Variants in IGFL2 observed in about 807,000 individuals in gnomAD.
The protein encoded by IGFL2 is insulin growth factor-like family member 2.
A neutral mutation model predicts 13.9 loss-of-function variants in IGFL2; 7 were observed. That is an observed-to-expected ratio of 0.51 (90% CI 0.29 to 0.95). The LOEUF (loss-of-function observed/expected upper bound fraction) is 0.95. Among genes scored for constraint, IGFL2 ranks in the 40% least tolerant of loss-of-function variants. IGFL2 has a pLI of 0.08. For synonymous variants in IGFL2, 55 were observed against 55.8 expected, an observed-to-expected ratio of 0.99 and a Z score of 0.07; for missense variants, 138 against 147.8, an observed-to-expected ratio of 0.93 and a Z score of 0.34.
chr19:46,105,880 T>C, the IGFL2 span, among the ~76,000 whole-genome samples: 1 of 152,150 alleles, frequency 6.6e-6, no homozygotes, highest in Non-Finnish European at 1.5e-5. Context: ...TGCACAGCCC[T>C]GTACTTCAGC....
chr19:46,093,625 T>C, the IGFL2 span, among the ~76,000 whole-genome samples: 1 of 152,164 alleles, frequency 6.6e-6, no homozygotes, highest in Non-Finnish European at 1.5e-5. Flanking sequence ...TTATTGCCGA[T>C]GTAGAAAATC....
chr19:46,146,067 TCTC>T (rs569156280), upstream of IGFL2, among the ~76,000 whole-genome samples: 126 of 152,288 alleles, frequency 8.3e-4, 1 homozygote, highest in Middle Eastern at 0.017. Context: ...TCTGATGCCT[TCTC>T]CTTGAAATAC....
the IGFL2 span, chr19:46,124,680 AAG>A: frequency 1.2e-6 from 2 of 1,601,084 alleles, no homozygotes; most frequent in Non-Finnish European, 1.7e-6. Context: ...AGAATTGAAG[AAG>A]AGTGGTAAAA....
At chr19:46,092,336 A>G in the IGFL2 span, among the ~76,000 whole-genome samples, 2 of 146,754 alleles carry the variant, frequency 1.4e-5, no homozygotes, top group Admixed American at 6.8e-5. Context: ...ATTAAAAAAA[A>G]TTTTTTTTTT....
the IGFL2 span, among the ~76,000 whole-genome samples, chr19:46,210,539 G>A: frequency 1.3e-5 from 2 of 152,182 alleles, no homozygotes; most frequent in Non-Finnish European, 2.9e-5. Flanking sequence ...AAGCTGAGGA[G>A]CAAGGAAGCC....
chr19:46,146,216 C>T (rs966740531), upstream of IGFL2, among the ~76,000 whole-genome samples: 2 of 151,722 alleles, frequency 1.3e-5, no homozygotes, highest in African/African-American at 4.8e-5. Flanking sequence ...CTATCTTTTC[C>T]CCCATTGAAT....
At chr19:46,207,591 A>C in the IGFL2 span, 2 of 152,180 alleles carry the variant, frequency 1.3e-5, no homozygotes, top group African/African-American at 4.8e-5. Flanking sequence ...CATGTTGGCC[A>C]GGCTGTTCTC....
At chr19:46,148,162 G>T, upstream of IGFL2, 1 of 822,446 alleles carries the variant, frequency 1.2e-6, no homozygotes, top group Non-Finnish European at 1.9e-6. Context: ...TTTCCAAGAG[G>T]CCAGTGCTTC....
chr19:46,190,698 C>T, the IGFL2 span, among the ~76,000 whole-genome samples: 1 of 152,220 alleles, frequency 6.6e-6, no homozygotes, highest in African/African-American at 2.4e-5. Context: ...GGTAATCCCC[C>T]AACCCTCTCC....
At chr19:46,164,807 T>C (rs1240964609), downstream of IGFL2, among the ~76,000 whole-genome samples, 1 of 152,234 alleles carries the variant, frequency 6.6e-6, no homozygotes, top group Non-Finnish European at 1.5e-5. Flanking sequence ...TTTTTTCAGC[T>C]TACAAACTGC....
the IGFL2 span, among the ~76,000 whole-genome samples, chr19:46,109,570 C>T: frequency 1.3e-5 from 2 of 152,168 alleles, no homozygotes; most frequent in South Asian, 2.1e-4. Flanking sequence ...CCCACCTCGG[C>T]CTCCCAAAGT....
the IGFL2 span, chr19:46,137,384 G>A: frequency 6.5e-6 from 7 of 1,079,966 alleles, no homozygotes; most frequent in Non-Finnish European, 1.0e-5. Context: ...AGACAGATAT[G>A]TTTGCTGGGA....
At chr19:46,194,848 ATATATTTTTTTTT>A in the IGFL2 span, among the ~76,000 whole-genome samples, 4 of 33,962 alleles carry the variant, frequency 1.2e-4, no homozygotes, top group African/African-American at 3.8e-4. Context: ...ATATATATAT[ATATATTTTTTTTT>A]TTTTTTTTTT....
chr19:46,188,280 G>C, the IGFL2 span, among the ~76,000 whole-genome samples: 4 of 152,084 alleles, frequency 2.6e-5, no homozygotes, highest in Non-Finnish European at 4.4e-5. Flanking sequence ...TTAGTGGGGG[G>C]CCCAGTGTGT....
chr19:46,142,583 T>G (rs968966544), upstream of IGFL2, among the ~76,000 whole-genome samples: 2 of 152,226 alleles, frequency 1.3e-5, no homozygotes, highest in Non-Finnish European at 2.9e-5. Flanking sequence ...ATGTTATCTA[T>G]CTATGTTTAA....
the IGFL2 span, among the ~76,000 whole-genome samples, chr19:46,205,596 C>T: frequency 6.7e-6 from 1 of 148,696 alleles, no homozygotes; most frequent in Non-Finnish European, 1.5e-5. Flanking sequence ...AAGTCCCATT[C>T]AGGTGCTGAG....
At chr19:46,202,121 G>A in the IGFL2 span, among the ~76,000 whole-genome samples, 20 of 152,216 alleles carry the variant, frequency 1.3e-4, no homozygotes, top group African/African-American at 4.3e-4. Context: ...AGCTTGGGGT[G>A]GAGACTGAAG....
the IGFL2 span, chr19:46,120,456 A>G: frequency 3.9e-6 from 6 of 1,538,124 alleles, no homozygotes; most frequent in African/African-American, 8.4e-5. Context: ...ACTTTAACAG[A>G]CTTGACTGCT....
At chr19:46,141,969 C>CA, upstream of IGFL2, among the ~76,000 whole-genome samples, 1 of 152,196 alleles carries the variant, frequency 6.6e-6, no homozygotes, top group Non-Finnish European at 1.5e-5. Context: ...TTGCTCTCCT[C>CA]AGAGATCAGT....
Sources: gnomAD v4.1 joint callset for allele counts (sites outside exome capture counted in the v4.1 genomes callset) on GRCh38, gnomAD v4.1.1 for gene constraint, MANE v1.5 for transcripts, NCBI Gene and HGNC (gene_info 2026-07-23, HGNC 2026-07-21) for gene names.